Variants in MPP7 observed in about 807,000 individuals in gnomAD.
MPP7 encodes the protein MAGUK p55 subfamily member 7.
A neutral mutation model predicts 76.5 loss-of-function variants in MPP7; 60 were observed. The observed-to-expected ratio is 0.78, with a 90% confidence interval of 0.64 to 0.97. MPP7 has a LOEUF of 0.97. MPP7 is among the 50% of genes least tolerant of loss of function. MPP7 has a pLI of 0.00. For missense variants in MPP7, 641 were observed against 694.0 expected, an observed-to-expected ratio of 0.92 and a Z score of 0.86; for synonymous variants, 237 against 244.5, an observed-to-expected ratio of 0.97 and a Z score of 0.29.
rs958461734 is a variant in MPP7 at position 28,248,963 on chromosome 10, A to G, written c.-131-10228T>C. Among the ~76,000 whole-genome samples the G allele has an allele frequency of 2.6e-5, 4 of 152,188 alleles. No individual in the cohort carries two copies. In the East Asian group the frequency reaches 5.8e-4, roughly 22 times the overall value. On this transcript the variant is annotated intron_variant, in intron 1 of 16. Coordinates refer to ENST00000683449, the MANE Select transcript of MPP7 (RefSeq NM_001318170.2). ...TGTCGTTAAGCAACGTATGACTTACAGAAACTATGAGAGGGCAGGGAGTTT... is the reference window on the plus strand; with the variant it reads ...TGTCGTTAAGCAACGTATGACTTACGGAAACTATGAGAGGGCAGGGAGTTT...
intron 3 of MPP7, among the ~76,000 whole-genome samples, chr10:28,162,805 G>C (rs201616902): frequency 3.3e-5 from 5 of 152,082 alleles, no homozygotes; most frequent in Non-Finnish European, 5.9e-5. Flanking sequence ...ATAAAACACC[G>C]TGACTTTTGT....
intron 1 of MPP7, among the ~76,000 whole-genome samples, chr10:28,274,410 A>T (rs1008821191): frequency 1.3e-5 from 2 of 152,030 alleles, no homozygotes; most frequent in African/African-American, 2.4e-5. Flanking sequence ...AAATTTTTTT[A>T]AAATATTACA....
chr10:28,251,884 C>G (rs1010897249), intron 1 of MPP7, among the ~76,000 whole-genome samples: 1 of 152,078 alleles, frequency 6.6e-6, no homozygotes, highest in African/African-American at 2.4e-5. Flanking sequence ...CAGTAATGAC[C>G]CCCATCTCTA....
At chr10:28,062,581 C>CAA (rs1851837337) in intron 13 of MPP7, among the ~76,000 whole-genome samples, 1 of 120,922 alleles carries the variant, frequency 8.3e-6, no homozygotes, top group African/African-American at 3.3e-5. Flanking sequence ...CACACACACA[C>CAA]CAAAGGTTGG....
chr10:28,056,656 T>G (rs764005751), intron 15 of MPP7, 33 bp from the exon 16 acceptor site: 1 of 1,515,544 alleles, frequency 6.6e-7, no homozygotes, highest in South Asian at 1.3e-5. Flanking sequence ...TTCTCACATT[T>G]CTCCATAGCA....
intron 2 of MPP7, among the ~76,000 whole-genome samples, chr10:28,238,071 T>G (rs1024541435): frequency 4.6e-5 from 7 of 152,194 alleles, no homozygotes; most frequent in Non-Finnish European, 2.9e-5. Context: ...TAGTTTTAAT[T>G]GAATCCCTTA....
chr10:28,213,806 AAAAAGAG>A (rs1213530436), intron 2 of MPP7, among the ~76,000 whole-genome samples: 2 of 149,028 alleles, frequency 1.3e-5, no homozygotes, highest in African/African-American at 5.1e-5. Flanking sequence ...AAAAAAAAAA[AAAAAGAG>A]AGAGAGAGAG....
At chr10:28,166,843 T>C (rs963858602) in intron 3 of MPP7, among the ~76,000 whole-genome samples, 2 of 152,192 alleles carry the variant, frequency 1.3e-5, no homozygotes, top group Non-Finnish European at 2.9e-5. Context: ...AACACTTGCT[T>C]TTTTCCCCCT....
In MPP7 at chr10:28,277,432, T is replaced by C. The variant is rs1840537523; in HGVS notation, c.-132+25429A>G. Reference sequence around the variant, plus strand: ...TAAAATCACAAAAACGATCTCCTAATGTTTTAAGAAAGTTTAGGAATTTGT... The same window carrying C: ...TAAAATCACAAAAACGATCTCCTAACGTTTTAAGAAAGTTTAGGAATTTGT... On this transcript the variant is annotated intron_variant, in intron 1 of 16. Transcript: ENST00000683449. 2.6e-5 allele frequency among the ~76,000 whole-genome samples: 4 copies of C among 151,922 alleles called. No homozygotes were observed. The South Asian group carries it at 8.3e-4, about 31-fold the overall frequency.
intron 2 of MPP7, among the ~76,000 whole-genome samples, chr10:28,308,802 A>T (rs1182257093): frequency 6.6e-6 from 1 of 152,006 alleles, no homozygotes; most frequent in Non-Finnish European, 1.5e-5. Flanking sequence ...AACAACAACA[A>T]AAAAGAATTT....
chr10:28,238,473 G>A, intron 2 of MPP7, 95 bp downstream of exon 2: 2 of 1,317,498 alleles, frequency 1.5e-6, no homozygotes, highest in South Asian at 1.2e-5. Flanking sequence ...AAACAAGCAT[G>A]ATCTGCCTGC....
chr10:28,144,266 T>G (rs913691570), intron 5 of MPP7, among the ~76,000 whole-genome samples: 1 of 151,588 alleles, frequency 6.6e-6, no homozygotes, highest in Non-Finnish European at 1.5e-5. Context: ...GTCTGTAGAC[T>G]ACATAGGGAG....
chr10:28,108,427 G>A (rs568269466), intron 11 of MPP7, among the ~76,000 whole-genome samples: 2 of 152,114 alleles, frequency 1.3e-5, no homozygotes, highest in Non-Finnish European at 2.9e-5. Context: ...GACCAAGACA[G>A]GTGGATCATT....
intron 5 of MPP7, among the ~76,000 whole-genome samples, chr10:28,138,098 T>A (rs1835403704): frequency 6.6e-6 from 1 of 152,222 alleles, no homozygotes; most frequent in African/African-American, 2.4e-5. Flanking sequence ...ACAACAAATC[T>A]TCTTATTTTA....
chr10:28,291,853 C>A (rs572710698), intron 1 of MPP7, among the ~76,000 whole-genome samples: 2 of 151,888 alleles, frequency 1.3e-5, no homozygotes, highest in East Asian at 4.0e-4. Flanking sequence ...TTGTTTATTA[C>A]TGAAGAAAAA....
intron 3 of MPP7, among the ~76,000 whole-genome samples, chr10:28,167,108 C>A (rs780023295): frequency 5.9e-5 from 9 of 152,050 alleles, no homozygotes; most frequent in Admixed American, 1.3e-4. Flanking sequence ...CTCAGGAGTT[C>A]GAGACCAGCC....
intron 14 of MPP7, among the ~76,000 whole-genome samples, chr10:28,059,292 G>T (rs1261452967): frequency 6.6e-6 from 1 of 152,098 alleles, no homozygotes; most frequent in Non-Finnish European, 1.5e-5. Context: ...AGCAGACGCT[G>T]GACCTAGTGA....
chr10:28,059,597 G>T, intron 14 of MPP7, 53 bp downstream of exon 14: 2 of 1,101,800 alleles, frequency 1.8e-6, no homozygotes, highest in Non-Finnish European at 2.8e-6. Context: ...AACGGGACAG[G>T]CATGTGCTTA....
chr10:28,255,302 CG>C (rs1839748573), intron 1 of MPP7, among the ~76,000 whole-genome samples: 1 of 151,840 alleles, frequency 6.6e-6, no homozygotes. Flanking sequence ...TTAGTAGAGA[CG>C]GGGTTTCACC....
Sources: gnomAD v4.1 joint callset for allele counts (sites outside exome capture counted in the v4.1 genomes callset) on GRCh38, gnomAD v4.1.1 for gene constraint, MANE v1.5 for transcripts, NCBI Gene and HGNC (gene_info 2026-07-23, HGNC 2026-07-21) for gene names.